SUGCT: variants seen among roughly 807,000 people sequenced by gnomAD.
SUGCT encodes succinyl-CoA:glutarate-CoA transferase, also known as succinyl-CoA:glutarate CoA-transferase.
In SUGCT, 41 loss-of-function variants were observed where a neutral mutation model predicts 55.0. The ratio of observed to expected loss-of-function variants is 0.74; its 90% CI spans 0.58 to 0.97. The LOEUF is 0.97. Among genes scored for constraint, SUGCT ranks in the 50% least tolerant of loss-of-function variants. The pLI is 0.00. For missense variants in SUGCT, 568 were observed against 547.8 expected (o/e 1.04, Z -0.37); for synonymous variants, 187 against 200.4 (o/e 0.93, Z 0.56).
chr7:40,325,153 G>T (rs1463445092), intron 9 of SUGCT, among the ~76,000 whole-genome samples: 7 of 152,150 alleles, frequency 4.6e-5, no homozygotes, highest in Non-Finnish European at 7.3e-5. Flanking sequence ...TTAGAAAAAT[G>T]TCAAAGTGCT....
At chr7:40,924,246 G>A in the SUGCT span, among the ~76,000 whole-genome samples, 1 of 142,984 alleles carries the variant, frequency 7.0e-6, no homozygotes, top group African/African-American at 2.7e-5. Flanking sequence ...CAGCCAAGGT[G>A]GCCTGGATCT....
intron 12 of SUGCT, among the ~76,000 whole-genome samples, chr7:40,508,139 T>A (rs1792711583): frequency 6.6e-6 from 1 of 152,174 alleles, no homozygotes; most frequent in African/African-American, 2.4e-5. Flanking sequence ...TGGGGTAAGT[T>A]CCACTTTTCC....
intron 12 of SUGCT, among the ~76,000 whole-genome samples, chr7:40,734,585 T>C (rs775362930): frequency 6.6e-6 from 1 of 152,204 alleles, no homozygotes; most frequent in East Asian, 1.9e-4. Context: ...TCATGCTGGT[T>C]GGACTGTCCA....
intron 12 of SUGCT, among the ~76,000 whole-genome samples, chr7:40,640,149 A>AC (rs1800205657): frequency 6.6e-6 from 1 of 152,172 alleles, no homozygotes; most frequent in East Asian, 1.9e-4. Context: ...TTCCTCTTAA[A>AC]CCCAGCAAGT....
intron 8 of SUGCT, among the ~76,000 whole-genome samples, chr7:40,296,491 C>T (rs758756729): frequency 8.6e-4 from 131 of 152,124 alleles, no homozygotes; most frequent in Middle Eastern, 3.4e-3. Flanking sequence ...GTACATATTA[C>T]ATTTTATATT....
intron 9 of SUGCT, among the ~76,000 whole-genome samples, chr7:40,413,577 T>C (rs1786808992): frequency 2.0e-5 from 3 of 152,208 alleles, no homozygotes; most frequent in African/African-American, 7.2e-5. Flanking sequence ...TACTGATAGG[T>C]TTAACTATTT....
At chr7:40,636,543 A>G (rs1800029870) in intron 12 of SUGCT, among the ~76,000 whole-genome samples, 1 of 152,218 alleles carries the variant, frequency 6.6e-6, no homozygotes, top group Non-Finnish European at 1.5e-5. Flanking sequence ...TCAGACATTA[A>G]AAGCACTGTA....
intron 9 of SUGCT, among the ~76,000 whole-genome samples, chr7:40,321,057 TTC>T (rs1224273226): frequency 4.1e-5 from 6 of 148,062 alleles, no homozygotes. Context: ...TCTTTTTCTT[TTC>T]TTTTTTCTTT....
chr7:40,499,242 G>A (rs1050605174), intron 12 of SUGCT: 21 of 369,422 alleles, frequency 5.7e-5, no homozygotes, highest in African/African-American at 4.5e-4. Flanking sequence ...GTGAAAAGGG[G>A]TATGTCTAAC....
intron 12 of SUGCT, among the ~76,000 whole-genome samples, chr7:40,629,837 G>A (rs972846943): frequency 6.6e-6 from 1 of 152,172 alleles, no homozygotes; most frequent in Non-Finnish European, 1.5e-5. Flanking sequence ...GAAGGATAAT[G>A]TTCATGACTC....
Position 40,188,352 on chromosome 7 carries a change from C to T in SUGCT, c.227-143C>T, listed in dbSNP as rs773981693. 5.2e-5 allele frequency: 30 copies of T among 579,598 alleles called. 1 individual carries two copies. Among genetic ancestry groups the T allele is most frequent in the Middle Eastern group, 4.9e-4 (1 of 2,040 alleles). The allele number at this position is 579,598 out of a possible 1,614,324, so 35.9% of individuals were successfully genotyped here. On this transcript the variant is annotated intron_variant, in intron 3 of 13. Transcript: ENST00000335693. ...AGGTGGCTGAGGCAGGAGAATTACC[C>T]GAACCCAGGAGGTAGAGGTTGCAGT...
At chr7:40,286,383 C>T (rs1237998747) in intron 8 of SUGCT, among the ~76,000 whole-genome samples, 1 of 152,114 alleles carries the variant, frequency 6.6e-6, no homozygotes, top group Admixed American at 6.6e-5. Context: ...TTAGGAGAAC[C>T]CCTTTTTTTA....
chr7:40,615,888 A>G (rs188389685), intron 12 of SUGCT, among the ~76,000 whole-genome samples: 211 of 152,288 alleles, frequency 1.4e-3, no homozygotes, highest in African/African-American at 4.8e-3. Flanking sequence ...GGAAAGTAAA[A>G]TAAGTGATTA....
At chr7:40,481,472 T>C (rs1791032648) in intron 11 of SUGCT, among the ~76,000 whole-genome samples, 1 of 151,880 alleles carries the variant, frequency 6.6e-6, no homozygotes, top group Non-Finnish European at 1.5e-5. Context: ...AATTTTATCA[T>C]TACCTATGTC....
At chr7:40,456,350 A>G (rs1223214720) in intron 10 of SUGCT, among the ~76,000 whole-genome samples, 1 of 152,174 alleles carries the variant, frequency 6.6e-6, no homozygotes, top group Non-Finnish European at 1.5e-5. Context: ...GATTTTAGAC[A>G]TAATTGAATA....
intron 6 of SUGCT, among the ~76,000 whole-genome samples, chr7:40,233,261 C>T (rs983477600): frequency 1.3e-5 from 2 of 151,842 alleles, no homozygotes; most frequent in Non-Finnish European, 2.9e-5. Flanking sequence ...GCCCTGTCGC[C>T]CAGGCTGGAG....
chr7:40,531,805 C>T (rs1409127876), intron 12 of SUGCT, among the ~76,000 whole-genome samples: 1 of 151,660 alleles, frequency 6.6e-6, no homozygotes, highest in African/African-American at 2.4e-5. Context: ...TCCCGAGTAG[C>T]GGGGACTACA....
chr7:40,367,828 C>T (rs1784080729), intron 9 of SUGCT, among the ~76,000 whole-genome samples: 2 of 152,152 alleles, frequency 1.3e-5, no homozygotes, highest in Non-Finnish European at 2.9e-5. Context: ...GTCATGTCAC[C>T]CAACTGATTC....
the SUGCT span, among the ~76,000 whole-genome samples, chr7:40,894,003 G>A: frequency 8.7e-5 from 13 of 150,104 alleles, no homozygotes; most frequent in Non-Finnish European, 1.3e-4. Context: ...AGAGTGAGCC[G>A]AGATCATGCC....
Sources: gnomAD v4.1 joint callset for allele counts (sites outside exome capture counted in the v4.1 genomes callset) on GRCh38, gnomAD v4.1.1 for gene constraint, MANE v1.5 for transcripts, NCBI Gene and HGNC (gene_info 2026-07-23, HGNC 2026-07-21) for gene names.